Variants in HP1BP3 observed in about 807,000 individuals in gnomAD.
HP1BP3 encodes the protein heterochromatin protein 1-binding protein 3.
A neutral mutation model predicts 62.5 loss-of-function variants in HP1BP3; 12 were observed. The ratio of observed to expected loss-of-function variants is 0.19; its 90% CI spans 0.12 to 0.31. The LOEUF is 0.31. Among genes scored for constraint, HP1BP3 ranks in the 10% least tolerant of loss-of-function variants. The pLI, the probability that HP1BP3 is intolerant of heterozygous loss-of-function variation, is 1.00. For missense variants in HP1BP3, 502 were observed against 651.8 expected (o/e 0.77, Z 2.50); for synonymous variants, 260 against 237.8 (o/e 1.09, Z -0.86).
chr1:20,768,258 A>G (rs1378370810), intron 6 of HP1BP3, among the ~76,000 whole-genome samples: 1 of 151,990 alleles, frequency 6.6e-6, no homozygotes, highest in Non-Finnish European at 1.5e-5. Flanking sequence ...CATCCTGGCT[A>G]ACACAGTGAA....
In HP1BP3 at chr1:20,780,395, G is replaced by A. The variant is rs773265653; in HGVS notation, c.46C>T (p.Leu16Phe). 5 of 1,613,940 alleles carry A rather than the reference G, an allele frequency of 3.1e-6. No individual in the cohort carries two copies. In the African/African-American group the frequency reaches 5.3e-5, roughly 17 times the overall value. The change falls in exon 2 of 13, where the codon CTC becomes TTC. Residue 16 changes from leucine (L) to phenylalanine (F), a missense_variant. This residue lies in a region of HP1BP3 where 165 missense variants were observed against 156.4 expected (regional missense o/e 1.05). Coordinates refer to ENST00000438032, the MANE Select transcript of HP1BP3 (RefSeq NM_001372052.1). ...AGCTGAGCTCCTACTATAAGTGGGA[G>A]TGCCTTAGGATGGACGAGTTCACCT... ...SQGELVHPKALPLIVGAQLIH... is the reference protein window; with the variant it reads ...SQGELVHPKAFPLIVGAQLIH...
In HP1BP3 at chr1:20,769,507, G is replaced by A. The variant is rs141858432; in HGVS notation, c.654+1423C>T. On this transcript the variant is annotated intron_variant, in intron 6 of 12. Transcript: ENST00000438032. Reference sequence around the variant, plus strand: ...CAGCAGGTAGAGAGTGCGGTGAGCTGACATTGCACCTCTGCACCCCAGCCT... The same window carrying A: ...CAGCAGGTAGAGAGTGCGGTGAGCTAACATTGCACCTCTGCACCCCAGCCT... Among the ~76,000 whole-genome samples, 776 of 152,212 alleles carry A rather than the reference G, an allele frequency of 5.1e-3. 7 individuals carry two copies. Among genetic ancestry groups the A allele is most frequent in the African/African-American group, 0.018 (744 of 41,532 alleles).
chr1:20,752,085 C>A (rs2154539826), intron 9 of HP1BP3, among the ~76,000 whole-genome samples: 1 of 151,942 alleles, frequency 6.6e-6, no homozygotes, highest in East Asian at 2.0e-4. Flanking sequence ...CATGGTGAAA[C>A]CCCATCTCTA....
At chr1:20,778,812 G>A (rs568053418) in intron 3 of HP1BP3, among the ~76,000 whole-genome samples, 6 of 148,440 alleles carry the variant, frequency 4.0e-5, no homozygotes, top group Non-Finnish European at 7.4e-5. Flanking sequence ...TTTTTTTGGA[G>A]ACAGTTTCCC....
chr1:20,757,261 AAAG>A lies in HP1BP3; in HGVS notation c.891-8_891-6del. On this transcript the variant is annotated splice_region_variant and splice_polypyrimidine_tract_variant and intron_variant, in intron 8 of 12. Coordinates refer to ENST00000438032, the MANE Select transcript of HP1BP3 (RefSeq NM_001372052.1). ...GCGTTCTTCAACAGCTGAGGCCTGC[AAAG>A]AAAAACAAAAAAAAAATAGTGATAA... 6.3e-7 allele frequency: 1 copy of A among 1,576,168 alleles called. No homozygotes were observed. Among genetic ancestry groups the A allele is most frequent in the Non-Finnish European group, 8.6e-7 (1 of 1,159,418 alleles).
rs2055268337 is a variant in HP1BP3 at position 20,745,608 on chromosome 1, C to A, written c.1302G>T (p.Glu434Asp). 1 of 1,613,762 alleles carries A rather than the reference C, an allele frequency of 6.2e-7. No individual in the cohort carries two copies. The change falls in exon 12 of 13, where the codon GAG becomes GAT. Residue 434 changes from glutamate (E) to aspartate (D), a missense_variant. By Grantham distance (45) the Glu-to-Asp change is conservative. This residue lies in a region of HP1BP3 where 194 missense variants were observed against 207.0 expected (regional missense o/e 0.94). Coordinates refer to ENST00000438032, the MANE Select transcript of HP1BP3 (RefSeq NM_001372052.1). The part of the protein sequence containing the change: ...PKKEPDDSRD[E>D]DEDEDESSEE... Reference sequence around the variant, plus strand: ...CTGATGACTCATCTTCATCTTCATCCTCATCTCTAGAATCATCTGGCTCTT... The same window carrying A: ...CTGATGACTCATCTTCATCTTCATCATCATCTCTAGAATCATCTGGCTCTT...
At chr1:20,779,758 C>T (rs1424468783) in intron 3 of HP1BP3, 54 bp downstream of exon 3, 1 of 1,184,676 alleles carries the variant, frequency 8.4e-7, no homozygotes, top group East Asian at 2.4e-5. Context: ...ATGGGACACT[C>T]CAAATTGCAG....
intron 6 of HP1BP3, 132 bp from the exon 7 acceptor site, chr1:20,767,796 C>A: frequency 1.6e-6 from 1 of 611,020 alleles, no homozygotes; most frequent in Non-Finnish European, 2.8e-6. Context: ...AAAAAACAGT[C>A]AATGCAGAGT....
intron 3 of HP1BP3, among the ~76,000 whole-genome samples, chr1:20,777,705 G>A (rs1387474326): frequency 1.3e-5 from 2 of 152,120 alleles, no homozygotes; most frequent in East Asian, 1.9e-4. Context: ...TGATCCACCC[G>A]CCTCAGCCTC....
intron 3 of HP1BP3, among the ~76,000 whole-genome samples, chr1:20,779,315 T>G (rs771219558): frequency 1.3e-5 from 2 of 152,164 alleles, no homozygotes; most frequent in African/African-American, 4.8e-5. Context: ...GTACTCCATG[T>G]TGATGGGTCT....
In HP1BP3 at chr1:20,740,841, T is replaced by C. The variant is rs979779453; in HGVS notation, c.*3956A>G. Among the ~76,000 whole-genome samples the C allele has an allele frequency of 2.0e-5, 3 of 152,144 alleles. No homozygotes were observed. The highest frequency in any genetic ancestry group is 2.9e-5 in the Non-Finnish European group (2 of 68,020). On this transcript the variant is annotated 3_prime_UTR_variant, in exon 13 of 13. Transcript: ENST00000438032. The stretch of plus-strand genomic sequence containing the variant: ...CAAAAAAATAATAAGTAAAAGAATA[T>C]AGTTATAAAGACGGTAGAGATTAAT...
intron 7 of HP1BP3, among the ~76,000 whole-genome samples, chr1:20,766,215 C>T (rs902636963): frequency 4.6e-5 from 7 of 152,068 alleles, no homozygotes; most frequent in African/African-American, 1.7e-4. Flanking sequence ...CACTTGAACC[C>T]GGAAGGCGGA....
rs138285222 is a variant in HP1BP3 at position 20,758,630 on chromosome 1, G to A, written c.891-1374C>T. On this transcript the variant is annotated intron_variant, in intron 8 of 12. Transcript: ENST00000438032. ...CAAAGTGCTGGGATTACAGGTGTGAGCCACCACACCTGGCCTTTTTTTTTT... is the reference window on the plus strand; with the variant it reads ...CAAAGTGCTGGGATTACAGGTGTGAACCACCACACCTGGCCTTTTTTTTTT... Among the ~76,000 whole-genome samples, 117 of 144,748 alleles carry A rather than the reference G, an allele frequency of 8.1e-4. No homozygotes were observed. The East Asian group carries it at 0.023, about 29-fold the overall frequency. 95.0% of individuals were successfully genotyped at this position (144,748 alleles called of 152,430 possible). A position where few individuals can be genotyped will look rare whatever the true frequency, so the allele number is the denominator to read the frequency against.
intron 1 of HP1BP3, among the ~76,000 whole-genome samples, chr1:20,781,270 T>TA (rs950845157): frequency 5.9e-4 from 87 of 147,584 alleles, no homozygotes; most frequent in African/African-American, 1.6e-3. Context: ...TTCCTCAATA[T>TA]AAAAAAAAAA....
chr1:20,776,026 AAAT>A, intron 4 of HP1BP3: 1 of 1,484,974 alleles, frequency 6.7e-7, no homozygotes, highest in Non-Finnish European at 9.0e-7. Flanking sequence ...AAAAAAAAAA[AAAT>A]TAAAAATTAA....
At position 20,742,509 on chromosome 1, in the gene HP1BP3, C is replaced by T. The variant is rs573628614; in HGVS notation, c.*2288G>A. Among the ~76,000 whole-genome samples the T allele has an allele frequency of 4.6e-5, 7 of 152,158 alleles. No individual in the cohort carries two copies. Among genetic ancestry groups the T allele is most frequent in the South Asian group, 4.1e-4 (2 of 4,820 alleles). ...TAGCATTCAATGTATCTGGAAACAT[C>T]GTTTACCCTCTATAAGAATTCCAAA... On this transcript the variant is annotated 3_prime_UTR_variant, in exon 13 of 13. Transcript: ENST00000438032.
chr1:20,758,298 C>CT (rs1421919927), intron 8 of HP1BP3, among the ~76,000 whole-genome samples: 1 of 152,046 alleles, frequency 6.6e-6, no homozygotes, highest in African/African-American at 2.4e-5. Flanking sequence ...AAGGACTATT[C>CT]TAAGAAGTGC....
At chr1:20,748,529 G>A (rs894058820) in intron 10 of HP1BP3, among the ~76,000 whole-genome samples, 6 of 152,186 alleles carry the variant, frequency 3.9e-5, no homozygotes, top group African/African-American at 9.6e-5. Flanking sequence ...GGCAGATCAC[G>A]AGGTAAGGAG....
intron 8 of HP1BP3, among the ~76,000 whole-genome samples, chr1:20,761,692 TGAAAG>T (rs1407322428): frequency 5.3e-5 from 8 of 152,254 alleles, no homozygotes; most frequent in Non-Finnish European, 8.8e-5. Context: ...GTTTTGCAAG[TGAAAG>T]GAATCACCAA....
Sources: gnomAD v4.1 joint callset for allele counts (sites outside exome capture counted in the v4.1 genomes callset) on GRCh38, gnomAD v4.1.1 for gene constraint, gnomAD v4.1.1 regional missense constraint, MANE v1.5 for transcripts, NCBI Gene and HGNC (gene_info 2026-07-23, HGNC 2026-07-21) for gene names.